Variants in DRP2 observed in about 807,000 individuals in gnomAD.
DRP2 encodes dystrophin related protein 2.
Under a neutral mutation model 78.2 loss-of-function variants are expected in DRP2, and 29 were observed. That is an observed-to-expected ratio of 0.37 (90% CI 0.28 to 0.51). The LOEUF is 0.51. Among genes scored for constraint, DRP2 ranks in the 20% least tolerant of loss-of-function variants. The pLI, the probability that DRP2 is intolerant of heterozygous loss-of-function variation, is 0.94. For synonymous variants in DRP2, 290 were observed against 281.9 expected, an observed-to-expected ratio of 1.03 and a Z score of -0.29; for missense variants, 686 against 770.6, an observed-to-expected ratio of 0.89 and a Z score of 1.30.
chrX:101,243,779 A>G (rs781277639), intron 9 of DRP2, among the ~76,000 whole-genome samples: 1 of 111,751 alleles, frequency 8.9e-6, no homozygotes, highest in East Asian at 2.8e-4. Context: ...GACAAAAAGC[A>G]GGGAAGGCGT....
At chrX:101,236,205 C>A (rs1241380396) in intron 4 of DRP2, among the ~76,000 whole-genome samples, 182 bp downstream of exon 4, 1 of 111,396 alleles carries the variant, frequency 9.0e-6, no homozygotes, top group Non-Finnish European at 1.9e-5. Context: ...TGGATCTGAG[C>A]CTCAGTTTTA....
Position 101,255,973 on chromosome X carries a change from C to A in DRP2, c.2247-145C>A, listed in dbSNP as rs899869930. The A allele has an allele frequency of 1.4e-5, 10 of 732,926 alleles. No individual in the cohort carries two copies. The African/African-American group carries it at 2.0e-4, about 14-fold the overall frequency. 60.4% of individuals were successfully genotyped at this position (732,926 alleles called of 1,213,427 possible). A position where few individuals can be genotyped will look rare whatever the true frequency, so the allele number is the denominator to read the frequency against. The stretch of plus-strand genomic sequence containing the variant: ...CTCCTTTGAACACTTTCATCCCTCT[C>A]AAGCCTCAGTATATGTCCTTTCCCT... On this transcript the variant is annotated intron_variant, in intron 20 of 23. Transcript: ENST00000395209.
chrX:101,251,087 G>C lies in DRP2; in HGVS notation c.1865+4G>C. 1.7e-6 allele frequency: 2 copies of C among 1,197,206 alleles called. No individual in the cohort carries two copies. Among genetic ancestry groups the C allele is most frequent in the Admixed American group, 4.5e-5 (2 of 44,711 alleles). On this transcript the variant is annotated splice_donor_region_variant and intron_variant, in intron 16 of 23. Transcript: ENST00000395209. Reference sequence around the variant, plus strand: ...AGTGCCCCATCAAGGGGTTCAGGTAGGGAAAACAATACCTGCTGGGATGAT... The same window carrying C: ...AGTGCCCCATCAAGGGGTTCAGGTACGGAAAACAATACCTGCTGGGATGAT...
At chrX:101,241,616 T>G in intron 6 of DRP2, 52 bp from the exon 7 acceptor site, 1 of 1,188,106 alleles carries the variant, frequency 8.4e-7, no homozygotes, top group Non-Finnish European at 1.1e-6. Flanking sequence ...TCTCTTTCTT[T>G]GAGCTGACCC....
At chrX:101,241,253 TAC>T (rs750013002) in intron 6 of DRP2, among the ~76,000 whole-genome samples, 2 of 111,396 alleles carry the variant, frequency 1.8e-5, no homozygotes, top group South Asian at 3.7e-4. Flanking sequence ...AACACACGTG[TAC>T]ACACACACAC....
At chrX:101,248,748 G>A in intron 14 of DRP2, 149 bp downstream of exon 14, 1 of 514,278 alleles carries the variant, frequency 1.9e-6, no homozygotes, top group Non-Finnish European at 3.3e-6. Flanking sequence ...GGTTCACACT[G>A]TTGCAAAGAA....
intron 3 of DRP2, among the ~76,000 whole-genome samples, chrX:101,234,715 G>A (rs1922426820): frequency 9.1e-6 from 1 of 110,350 alleles, no homozygotes. Flanking sequence ...CAGGCTGGCT[G>A]AGTGCTGAGC....
chrX:101,239,246 G>A (rs1261656767), intron 6 of DRP2, 145 bp downstream of exon 6: 1 of 802,782 alleles, frequency 1.2e-6, no homozygotes, highest in Non-Finnish European at 1.7e-6. Flanking sequence ...CAAAGTTGGG[G>A]GGAAGCAAGA....
rs1433734086 is a variant in DRP2 at position 101,250,409 on chromosome X, G to T, written c.1541-14G>T. 1 of 1,211,186 alleles carries T rather than the reference G, an allele frequency of 8.3e-7. No homozygotes were observed. The highest frequency in any genetic ancestry group is 1.1e-6 in the Non-Finnish European group (1 of 895,324). ...TGTGTCGGGGTTGGCCATTCTTGACGGTGGGGCCAGCAGACCTCTTCAGCC... is the reference window on the plus strand; with the variant it reads ...TGTGTCGGGGTTGGCCATTCTTGACTGTGGGGCCAGCAGACCTCTTCAGCC... On this transcript the variant is annotated splice_polypyrimidine_tract_variant and intron_variant, in intron 14 of 23. Transcript: ENST00000395209.
chrX:101,235,755 A>G, intron 3 of DRP2, 105 bp from the exon 4 acceptor site: 1 of 849,194 alleles, frequency 1.2e-6, no homozygotes, highest in South Asian at 2.7e-5. Context: ...GAACCCTGGC[A>G]GCAACCCTTC....
At chrX:101,232,349 GCCC>G (rs1225848611) in intron 3 of DRP2, among the ~76,000 whole-genome samples, 1 of 111,371 alleles carries the variant, frequency 9.0e-6, no homozygotes, top group African/African-American at 3.3e-5. Flanking sequence ...AGAGAGGGCA[GCCC>G]CCTTTCCCGA....
At chrX:101,230,729 C>T (rs1787721427) in intron 2 of DRP2, among the ~76,000 whole-genome samples, 1 of 110,134 alleles carries the variant, frequency 9.1e-6, no homozygotes, top group South Asian at 3.9e-4. Flanking sequence ...TCACACGGAA[C>T]ACACCATATA....
chrX:101,254,761 C>G, intron 18 of DRP2, 98 bp from the exon 19 acceptor site: 2 of 1,106,942 alleles, frequency 1.8e-6, no homozygotes, highest in Non-Finnish European at 2.5e-6. Flanking sequence ...TTGTTCCCAT[C>G]AGCTCTTGCC....
chrX:101,260,022 C>T (rs1290349715), intron 22 of DRP2, 27 bp from the exon 23 acceptor site: 1 of 1,210,186 alleles, frequency 8.3e-7, no homozygotes, highest in East Asian at 3.0e-5. Flanking sequence ...GGCAAATCCA[C>T]TTAAGTCATG....
chrX:101,238,533 C>T (rs1922595179), intron 5 of DRP2, among the ~76,000 whole-genome samples: 1 of 111,298 alleles, frequency 9.0e-6, no homozygotes, highest in Non-Finnish European at 1.9e-5. Flanking sequence ...ACTAGGAGGG[C>T]CCACCTGGGA....
intron 1 of DRP2, among the ~76,000 whole-genome samples, chrX:101,223,229 G>C (rs1261346083): frequency 9.0e-6 from 1 of 111,303 alleles, no homozygotes; most frequent in Non-Finnish European, 1.9e-5. Flanking sequence ...TCAAACTCCT[G>C]GCCTCATGTA....
intron 11 of DRP2, among the ~76,000 whole-genome samples, chrX:101,246,519 G>A (rs750830949): frequency 8.9e-6 from 1 of 112,357 alleles, no homozygotes; most frequent in South Asian, 3.7e-4. Context: ...CTGCTGAGGA[G>A]TTTCTTATAT....
At chrX:101,246,172 C>T (rs1181217019) in intron 11 of DRP2, among the ~76,000 whole-genome samples, 1 of 112,340 alleles carries the variant, frequency 8.9e-6, no homozygotes, top group African/African-American at 3.2e-5. Flanking sequence ...TCTCCAACAG[C>T]CTGCCTTCCT....
At chrX:101,254,609 C>G (rs1394559167) in intron 18 of DRP2, 48 bp downstream of exon 18, 1 of 1,204,220 alleles carries the variant, frequency 8.3e-7, no homozygotes, top group Admixed American at 2.2e-5. Context: ...TCACTGAGCC[C>G]GATCGTATGC....
Sources: gnomAD v4.1 joint callset for allele counts (sites outside exome capture counted in the v4.1 genomes callset) on GRCh38, gnomAD v4.1.1 for gene constraint, MANE v1.5 for transcripts, NCBI Gene and HGNC (gene_info 2026-07-23, HGNC 2026-07-21) for gene names.